The following BCAS3 variants were observed in gnomAD, a reference collection of about 807,000 sequenced individuals.
BCAS3 encodes the protein BCAS4/BCAS3 fusion.
A neutral mutation model predicts 116.1 loss-of-function variants in BCAS3; 53 were observed. The observed-to-expected ratio is 0.46, with a 90% confidence interval of 0.37 to 0.57. The LOEUF (loss-of-function observed/expected upper bound fraction) is 0.57, where lower values mean the gene tolerates loss of function less well. Ranked by LOEUF, BCAS3 falls within the 20% of genes least tolerant of loss-of-function variation. The probability of loss-of-function intolerance (pLI) is 0.00; values close to 1 mark genes in which losing one functional copy is unlikely to be tolerated. For missense variants in BCAS3, 917 were observed against 1,165.4 expected (o/e 0.79, Z 3.10); for synonymous variants, 391 against 408.2 (o/e 0.96, Z 0.51).
intron 19 of BCAS3, among the ~76,000 whole-genome samples, chr17:61,053,691 G>T (rs557690502): frequency 1.3e-5 from 2 of 152,288 alleles, no homozygotes; most frequent in East Asian, 3.9e-4. Flanking sequence ...GCCCAAGACT[G>T]GGTAGGGGTG....
At chr17:61,133,454 T>C (rs1293430647) in intron 22 of BCAS3, among the ~76,000 whole-genome samples, 1 of 152,132 alleles carries the variant, frequency 6.6e-6, no homozygotes, top group East Asian at 1.9e-4. Context: ...GAGACAAAGA[T>C]TTAGGCTGCT....
At chr17:61,076,704 A>C (rs1382945247) in intron 20 of BCAS3, among the ~76,000 whole-genome samples, 2 of 152,204 alleles carry the variant, frequency 1.3e-5, no homozygotes, top group Non-Finnish European at 2.9e-5. Context: ...CGCCTCGGTG[A>C]AATTGAACAG....
intron 4 of BCAS3, among the ~76,000 whole-genome samples, chr17:60,703,417 C>T (rs935388983): frequency 3.3e-5 from 5 of 151,072 alleles, no homozygotes; most frequent in South Asian, 2.1e-4. Flanking sequence ...GGCAAAACCC[C>T]GTCTTTATGA....
rs59436810 is a variant in BCAS3 at position 61,366,140 on chromosome 17, CAA to C, written c.2426-2172_2426-2171del. On this transcript the variant is annotated intron_variant, in intron 22 of 23. Transcript: ENST00000407086. The surrounding 1 kb of genome is among the most constrained non-coding windows in gnomAD (Gnocchi z 4.5). ...CCTGGGCGACAGAGTGAGACTGTCTCAAAAAAAAAAAAAAAAGTTGAGCCAAC... is the reference window on the plus strand; with the variant it reads ...CCTGGGCGACAGAGTGAGACTGTCTCAAAAAAAAAAAAAAGTTGAGCCAAC... Among the ~76,000 whole-genome samples, 604 of 137,592 alleles carry C rather than the reference CAA, an allele frequency of 4.4e-3. 1 individual carries two copies. The highest frequency in any genetic ancestry group is 0.011 in the African/African-American group (396 of 36,992). 90.3% of individuals were successfully genotyped at this position (137,592 alleles called of 152,430 possible).
Position 61,339,149 on chromosome 17 carries a change from A to G in BCAS3, c.2426-29178A>G, listed in dbSNP as rs1242297175. On this transcript the variant is annotated intron_variant, in intron 22 of 23. Transcript: ENST00000407086. The surrounding 1 kb of genome is among the most constrained non-coding windows in gnomAD (Gnocchi z 4.4). The stretch of plus-strand genomic sequence containing the variant: ...GGGAAGGTTGTTCTGTGGAGGATGC[A>G]GAAACTGACGATTGGCAGTCATCTT... 6.6e-6 allele frequency among the ~76,000 whole-genome samples: 1 copy of G among 152,142 alleles called. No individual in the cohort carries two copies. The highest frequency in any genetic ancestry group is 1.5e-5 in the Non-Finnish European group (1 of 68,028).
chr17:60,977,117 A>G (rs1356726066), intron 14 of BCAS3, among the ~76,000 whole-genome samples: 6 of 151,778 alleles, frequency 4.0e-5, no homozygotes, highest in Non-Finnish European at 8.8e-5. Context: ...GCTGCCCCCC[A>G]CCTCCCGGAC....
chr17:60,854,304 C>G (rs550429279), intron 7 of BCAS3, among the ~76,000 whole-genome samples: 1 of 152,206 alleles, frequency 6.6e-6, no homozygotes, highest in African/African-American at 2.4e-5. Flanking sequence ...ATCATTGATG[C>G]ACATTTGGGT....
At chr17:60,725,917 C>T (rs867214630) in intron 5 of BCAS3, among the ~76,000 whole-genome samples, 1 of 151,902 alleles carries the variant, frequency 6.6e-6, no homozygotes, top group Non-Finnish European at 1.5e-5. Context: ...GTTTTTGAGA[C>T]GGAGTTTCGC....
intron 16 of BCAS3, among the ~76,000 whole-genome samples, chr17:61,018,254 C>T (rs1053045856): frequency 6.8e-6 from 1 of 146,330 alleles, no homozygotes; most frequent in Non-Finnish European, 1.5e-5. Context: ...TGTTTCAAGA[C>T]TAGCCAAAGG....
intron 5 of BCAS3, among the ~76,000 whole-genome samples, chr17:60,735,736 A>G (rs1489604059): frequency 2.0e-5 from 3 of 152,106 alleles, no homozygotes; most frequent in Non-Finnish European, 2.9e-5. Context: ...TTACAGGTTA[A>G]GTGATGTTAG....
chr17:61,060,673 T>G (rs2069922066), intron 19 of BCAS3, among the ~76,000 whole-genome samples: 1 of 152,198 alleles, frequency 6.6e-6, no homozygotes, highest in African/African-American at 2.4e-5. Context: ...AAAAAATTAT[T>G]GGAGAAACGT....
intron 22 of BCAS3, among the ~76,000 whole-genome samples, chr17:61,266,792 C>T (rs1379614924): frequency 6.6e-6 from 1 of 152,160 alleles, no homozygotes; most frequent in Non-Finnish European, 1.5e-5. Context: ...AGTCTATTTT[C>T]TCCCACTTTG....
At position 61,392,284 on chromosome 17, in the gene BCAS3, GACCCT is replaced by G; in HGVS notation, c.*160_*164del. ...GCCCATCCTACCTGGATGGAGAAGAGACCCTTCTCCAAGCACCTCAGCGCACTTGC... is the reference window on the plus strand; with the variant it reads ...GCCCATCCTACCTGGATGGAGAAGAGTCTCCAAGCACCTCAGCGCACTTGC... On this transcript the variant is annotated 3_prime_UTR_variant, in exon 24 of 24. Coordinates refer to ENST00000407086, the MANE Select transcript of BCAS3 (RefSeq NM_017679.5). The surrounding 1 kb of genome is among the most constrained non-coding windows in gnomAD (Gnocchi z 6.4). 1.1e-6 allele frequency: 1 copy of G among 872,574 alleles called. No individual in the cohort carries two copies. Among genetic ancestry groups the G allele is most frequent in the Non-Finnish European group, 1.7e-6 (1 of 584,112 alleles). The allele number at this position is 872,574 out of a possible 1,614,324, so 54.1% of individuals were successfully genotyped here.
intron 22 of BCAS3, among the ~76,000 whole-genome samples, chr17:61,158,079 A>G (rs556766818): frequency 1.6e-4 from 24 of 152,254 alleles, no homozygotes; most frequent in African/African-American, 5.1e-4. Flanking sequence ...AAACCTGCCA[A>G]AAGACTAACC....
chr17:60,980,784 G>C (rs2062761033), intron 14 of BCAS3, among the ~76,000 whole-genome samples: 1 of 151,930 alleles, frequency 6.6e-6, no homozygotes, highest in Non-Finnish European at 1.5e-5. Context: ...GATCTGCCCA[G>C]CTCAGGCTCC....
At chr17:60,985,059 T>A (rs765507745) in intron 14 of BCAS3, among the ~76,000 whole-genome samples, 8 of 150,090 alleles carry the variant, frequency 5.3e-5, no homozygotes, top group Admixed American at 6.7e-5. Flanking sequence ...GCATACAATG[T>A]CAAATAAGTG....
chr17:60,819,952 GAT>G (rs1257070392), intron 7 of BCAS3, among the ~76,000 whole-genome samples: 1 of 152,034 alleles, frequency 6.6e-6, no homozygotes, highest in Non-Finnish European at 1.5e-5. Context: ...AGCAAGAGGA[GAT>G]AACCCTTAGT....
Position 61,172,323 on chromosome 17 carries a change from A to G in BCAS3, c.2425+87759A>G, listed in dbSNP as rs576963204. Among the ~76,000 whole-genome samples, 20 of 152,336 alleles carry G rather than the reference A, an allele frequency of 1.3e-4. No homozygotes were observed. The East Asian group carries it at 3.7e-3, about 28-fold the overall frequency. On this transcript the variant is annotated intron_variant, in intron 22 of 23. Coordinates refer to ENST00000407086, the MANE Select transcript of BCAS3 (RefSeq NM_017679.5). ...AGAACCACCTTCTTTCCAAGTGCAC[A>G]CAAACTATTTACTATAATAATTCAT...
intron 14 of BCAS3, among the ~76,000 whole-genome samples, chr17:60,953,718 TA>T (rs200783137): frequency 0.084 from 12,647 of 151,130 alleles, 1,806 homozygotes; most frequent in African/African-American, 0.29. Context: ...TTTGAGTCTT[TA>T]ATTCATCTTG....
Sources: gnomAD v4.1 joint callset for allele counts (sites outside exome capture counted in the v4.1 genomes callset) on GRCh38, gnomAD v4.1.1 for gene constraint, Gnocchi (gnomAD v3.1) non-coding constraint, MANE v1.5 for transcripts, NCBI Gene and HGNC (gene_info 2026-07-23, HGNC 2026-07-21) for gene names.